CELSR1: variants seen among roughly 807,000 people sequenced by gnomAD.
CELSR1 encodes adhesion G protein-coupled receptor C1.
A neutral mutation model predicts 249.1 loss-of-function variants in CELSR1; 110 were observed. The observed-to-expected ratio is 0.44, with a 90% CI of 0.38 to 0.52. The LOEUF (loss-of-function observed/expected upper bound fraction) is 0.52. Ranked by LOEUF, CELSR1 falls within the 20% of genes least tolerant of loss-of-function variation. The pLI is 0.00. For missense variants in CELSR1, 4,109 were observed against 4,296.4 expected, an observed-to-expected ratio of 0.96 and a Z score of 1.22; for synonymous variants, 2,113 against 1,900.0, an observed-to-expected ratio of 1.11 and a Z score of -2.92.
intron 2 of CELSR1, among the ~76,000 whole-genome samples, chr22:46,457,355 A>AGGG (rs1569177613): frequency 3.2e-4 from 49 of 152,024 alleles, no homozygotes; most frequent in African/African-American, 1.0e-3. Flanking sequence ...GGGGCGGGGA[A>AGGG]AAAGATTATT....
intron 2 of CELSR1, among the ~76,000 whole-genome samples, chr22:46,452,394 G>A (rs995277609): frequency 3.0e-4 from 45 of 152,270 alleles, no homozygotes; most frequent in African/African-American, 1.0e-3. Context: ...TCCTGGGCCC[G>A]AGTGGACTCG....
intron 1 of CELSR1, among the ~76,000 whole-genome samples, chr22:46,520,609 C>T (rs769036561): frequency 1.3e-5 from 2 of 151,982 alleles, no homozygotes; most frequent in South Asian, 2.1e-4. Flanking sequence ...TACAGGCACC[C>T]GTCATCAGGC....
Position 46,537,133 on chromosome 22 carries a change from A to AGCAGCACGG in CELSR1, c.29_37dup (p.Pro10_Leu12dup), listed in dbSNP as rs912306627. 16 of 1,033,642 alleles carry AGCAGCACGG rather than the reference A, an allele frequency of 1.5e-5. No homozygotes were observed. The highest frequency in any genetic ancestry group is 6.9e-5 in the African/African-American group (4 of 57,774). The allele number at this position is 1,033,642 out of a possible 1,614,324, so 64.0% of individuals were successfully genotyped here. ...CAGGGCGGCGGCGGCGGCCAGGAGC[A>AGCAGCACGG]GCAGCACGGGCAGCACGGGCGGCGG... On this transcript the variant is annotated inframe_insertion, in exon 1 of 35. Transcript: ENST00000674500. The surrounding 1 kb of genome is among the most constrained non-coding windows in gnomAD (Gnocchi z 5.8).
At position 46,483,385 on chromosome 22, in the gene CELSR1, C is replaced by T. The variant is rs1420716515; in HGVS notation, c.3545-19040G>A. Among the ~76,000 whole-genome samples the T allele has an allele frequency of 3.7e-4, 30 of 81,210 alleles. No individual in the cohort carries two copies. In the East Asian group the frequency reaches 7.2e-3, roughly 20 times the overall value. The allele number at this position is 81,210 out of a possible 152,430, so 53.3% of individuals were successfully genotyped here. ...CTTTATGGAAACATGCTATTCCTGA[C>T]TTTTTTTTTTTTTTTTTTTTTTTTG... On this transcript the variant is annotated intron_variant, in intron 1 of 34. Transcript: ENST00000674500.
chr22:46,396,202 T>C lies in CELSR1; in HGVS notation c.5843+403A>G, dbSNP rs2079145734. ...CAGGTGGATCACTTGAGGTCAGGAG[T>C]TCGAGACCAGCCTGACCAATATGGT... On this transcript the variant is annotated intron_variant, in intron 13 of 34. Transcript: ENST00000674500. The surrounding 1 kb of genome is among the most constrained non-coding windows in gnomAD (Gnocchi z 6.4). Among the ~76,000 whole-genome samples, 1 of 151,872 alleles carries C rather than the reference T, an allele frequency of 6.6e-6. No individual in the cohort carries two copies. Among genetic ancestry groups the C allele is most frequent in the Non-Finnish European group, 1.5e-5 (1 of 67,968 alleles).
intron 2 of CELSR1, among the ~76,000 whole-genome samples, chr22:46,452,158 T>C (rs1376960599): frequency 6.6e-6 from 1 of 151,888 alleles, no homozygotes. Flanking sequence ...ACAGCAGTCC[T>C]AGGAGAACGA....
intron 1 of CELSR1, among the ~76,000 whole-genome samples, chr22:46,495,216 C>A (rs906734407): frequency 3.9e-5 from 6 of 152,180 alleles, no homozygotes; most frequent in Non-Finnish European, 8.8e-5. Context: ...CTGCTACACA[C>A]CTAGGCTGTG....
intron 1 of CELSR1, among the ~76,000 whole-genome samples, chr22:46,514,668 G>C (rs901350513): frequency 1.1e-3 from 175 of 152,302 alleles, no homozygotes; most frequent in African/African-American, 4.0e-3. Flanking sequence ...CAGCATCAAA[G>C]AGAAGAGTCA....
In CELSR1 at chr22:46,434,077, C is replaced by A. The variant is rs550965426; in HGVS notation, c.4523-596G>T. Among the ~76,000 whole-genome samples the A allele has an allele frequency of 6.6e-5, 10 of 152,362 alleles. No homozygotes were observed. In the South Asian group the frequency reaches 1.9e-3, roughly 28 times the overall value. ...ACCTACACCGCACCAGAGGTCGAAC[C>A]CTTTTTCCTATGCATTGCATCAACG... On this transcript the variant is annotated intron_variant, in intron 4 of 34. Coordinates refer to ENST00000674500, the MANE Select transcript of CELSR1 (RefSeq NM_001378328.1). The surrounding 1 kb of genome is among the most constrained non-coding windows in gnomAD (Gnocchi z 4.9).
chr22:46,461,479 C>A (rs908632637), intron 2 of CELSR1, among the ~76,000 whole-genome samples: 1 of 152,214 alleles, frequency 6.6e-6, no homozygotes, highest in African/African-American at 2.4e-5. Context: ...CCAGTGCAGC[C>A]CCAAGCTTCC....
chr22:46,537,110 G>GGGCGGC lies in CELSR1; in HGVS notation c.55_60dup (p.Ala19_Ala20dup), dbSNP rs1336191025. The GGGCGGC allele has an allele frequency of 3.9e-6, 4 of 1,037,522 alleles. No homozygotes were observed. In the South Asian group the frequency reaches 1.8e-4, roughly 46 times the overall value. The allele number at this position is 1,037,522 out of a possible 1,614,324, so 64.3% of individuals were successfully genotyped here. A position where few individuals can be genotyped will look rare whatever the true frequency, so the allele number is the denominator to read the frequency against. ...GCCGCTCGCAGCCCCATCGCCGGCAGGGCGGCGGCGGCGGCCAGGAGCAGC... is the reference window on the plus strand; with the variant it reads ...GCCGCTCGCAGCCCCATCGCCGGCAGGGCGGCGGCGGCGGCGGCGGCCAGGAGCAGC... On this transcript the variant is annotated inframe_insertion, in exon 1 of 35. Transcript: ENST00000674500. This position sits in a 1 kb window ranked among gnomAD's most constrained non-coding sequence, Gnocchi z 5.8.
rs998607539 is a variant in CELSR1 at position 46,506,636 on chromosome 22, T to G, written c.3544+26991A>C. The stretch of plus-strand genomic sequence containing the variant: ...GGTGATGTTTCTAGGACTTTCAACA[T>G]CTACATTCTAGATCAGTTTTCAGGG... On this transcript the variant is annotated intron_variant, in intron 1 of 34. Coordinates refer to ENST00000674500, the MANE Select transcript of CELSR1 (RefSeq NM_001378328.1). The surrounding 1 kb of genome is among the most constrained non-coding windows in gnomAD (Gnocchi z 4.1). Among the ~76,000 whole-genome samples, 3 of 152,138 alleles carry G rather than the reference T, an allele frequency of 2.0e-5. No individual in the cohort carries two copies. Among genetic ancestry groups the G allele is most frequent in the Non-Finnish European group, 4.4e-5 (3 of 68,026 alleles).
In CELSR1 at chr22:46,433,349, C is replaced by G. The variant is rs1026773019; in HGVS notation, c.4611+44G>C. The G allele has an allele frequency of 2.6e-6, 4 of 1,530,876 alleles. No homozygotes were observed. In the African/African-American group the frequency reaches 4.1e-5, roughly 16 times the overall value. 94.8% of individuals were successfully genotyped at this position (1,530,876 alleles called of 1,614,324 possible). On this transcript the variant is annotated intron_variant, in intron 5 of 34. Transcript: ENST00000674500. This position sits in a 1 kb window ranked among gnomAD's most constrained non-coding sequence, Gnocchi z 5.7. The stretch of plus-strand genomic sequence containing the variant: ...TGCGCCTCGCCCCAGGGCACCTTCT[C>G]GAGCCGCCCTGGGGCCAGGGGGAAG...
At chr22:46,419,506 G>C (rs990281425) in intron 5 of CELSR1, among the ~76,000 whole-genome samples, 4 of 152,132 alleles carry the variant, frequency 2.6e-5, no homozygotes, top group Non-Finnish European at 4.4e-5. Context: ...GCAGCCTCCC[G>C]GGGCCTGCCT....
chr22:46,530,480 T>G (rs2080780790), intron 1 of CELSR1: 1 of 152,082 alleles, frequency 6.6e-6, no homozygotes, highest in Non-Finnish European at 1.5e-5. Flanking sequence ...AGTTGTCCAC[T>G]GGGTCATCAG....
In CELSR1 at chr22:46,468,506, T is replaced by C. The variant is rs1486296159; in HGVS notation, c.3545-4161A>G. ...CTTGAGGACGTGATGCTCACTGCAA[T>C]AAGCCGGTCACATGTGAGGCTGCAC... is the stretch of plus-strand genomic sequence containing the variant. On this transcript the variant is annotated intron_variant, in intron 1 of 34. Coordinates refer to ENST00000674500, the MANE Select transcript of CELSR1 (RefSeq NM_001378328.1). This position sits in a 1 kb window ranked among gnomAD's most constrained non-coding sequence, Gnocchi z 4.5. Among the ~76,000 whole-genome samples, 2 of 152,218 alleles carry C rather than the reference T, an allele frequency of 1.3e-5. No homozygotes were observed. The highest frequency in any genetic ancestry group is 2.1e-4 in the South Asian group (1 of 4,828).
At position 46,429,369 on chromosome 22, in the gene CELSR1, A is replaced by G. The variant is rs2079569438; in HGVS notation, c.4611+4024T>C. Among the ~76,000 whole-genome samples the G allele has an allele frequency of 6.6e-6, 1 of 152,204 alleles. No homozygotes were observed. Among genetic ancestry groups the G allele is most frequent in the Non-Finnish European group, 1.5e-5 (1 of 68,036 alleles). On this transcript the variant is annotated intron_variant, in intron 5 of 34. Transcript: ENST00000674500. This position sits in a 1 kb window ranked among gnomAD's most constrained non-coding sequence, Gnocchi z 4.1. The stretch of plus-strand genomic sequence containing the variant: ...CAAACAAACAAACAAACAAAAAACC[A>G]GCCTGGGGTGAAGCAACGACTGAAA...
At position 46,534,561 on chromosome 22, in the gene CELSR1, C is replaced by A; in HGVS notation, c.2610G>T (p.Pro870=). 6.2e-7 allele frequency: 1 copy of A among 1,613,672 alleles called. No individual in the cohort carries two copies. Among genetic ancestry groups the A allele is most frequent in the Non-Finnish European group, 8.5e-7 (1 of 1,180,028 alleles). ...CTAGGGTGGTGGTGTCTGATTTCTG[C>A]GGGATGCCGTTGTCCTGGGCCATGA... ...LTIMAQDNGI[P]QKSDTTTLEI... Residue 870 remains proline (P), a synonymous_variant, in exon 1 of 35, where the codon CCG becomes CCT. Coordinates refer to ENST00000674500, the MANE Select transcript of CELSR1 (RefSeq NM_001378328.1). This position sits in a 1 kb window ranked among gnomAD's most constrained non-coding sequence, Gnocchi z 9.7.
At chr22:46,425,278 A>G (rs1005783974) in intron 5 of CELSR1, among the ~76,000 whole-genome samples, 1 of 152,204 alleles carries the variant, frequency 6.6e-6, no homozygotes, top group African/African-American at 2.4e-5. Flanking sequence ...GTCTGTCTTC[A>G]TCTGGTATTG....
Sources: allele counts gnomAD v4.1 joint callset (sites outside exome capture counted in the v4.1 genomes callset), GRCh38; gene constraint gnomAD v4.1.1; non-coding constraint Gnocchi (gnomAD v3.1); transcripts MANE v1.5; gene names NCBI Gene and HGNC (gene_info 2026-07-23, HGNC 2026-07-21).